The following ANAPC4 variants were observed in gnomAD, a reference collection of about 807,000 sequenced individuals.
ANAPC4 encodes the protein anaphase-promoting complex subunit 4.
In ANAPC4, 63 loss-of-function variants were observed where a neutral mutation model predicts 119.8. The observed-to-expected ratio is 0.53, with a 90% CI of 0.43 to 0.65. The LOEUF is 0.65. ANAPC4 is among the 30% of genes least tolerant of loss of function. ANAPC4 has a pLI of 0.00. For synonymous variants in ANAPC4, 283 were observed against 318.6 expected, an observed-to-expected ratio of 0.89 and a Z score of 1.19; for missense variants, 716 against 945.1, an observed-to-expected ratio of 0.76 and a Z score of 3.18.
intron 4 of ANAPC4, among the ~76,000 whole-genome samples, chr4:25,386,081 T>G (rs1443450000): frequency 6.6e-6 from 1 of 151,896 alleles, no homozygotes; most frequent in African/African-American, 2.4e-5. Context: ...GCCCAGCTAA[T>G]TTTGTATTTT....
chr4:25,387,782 C>T (rs774052793), intron 4 of ANAPC4, among the ~76,000 whole-genome samples: 13 of 151,820 alleles, frequency 8.6e-5, no homozygotes, highest in African/African-American at 2.9e-4. Flanking sequence ...ATGGTGTAGT[C>T]TCAAATACCT....
At position 25,416,489 on chromosome 4, in the gene ANAPC4, A is replaced by G. The variant is rs1401460027; in HGVS notation, c.1966A>G (p.Thr656Ala). 2 of 1,605,484 alleles carry G rather than the reference A, an allele frequency of 1.2e-6. No homozygotes were observed. The highest frequency in any genetic ancestry group is 3.3e-5 in the Admixed American group (2 of 59,796). The change falls in exon 27 of 29, where the codon ACT (threonine) becomes GCT (alanine). Residue 656 changes from threonine (T) to alanine (A), a missense_variant. Physicochemically the swap from Thr to Ala is moderately conservative, Grantham distance 58. Around this residue, in one of 3 missense-constraint regions of ANAPC4, gnomAD observed 504 missense variants for 615.8 expected, o/e 0.82. Transcript: ENST00000315368. ...DETVTVVLKDTVGREGRDRLL... is the reference protein window; with the variant it reads ...DETVTVVLKDAVGREGRDRLL... The stretch of plus-strand genomic sequence containing the variant: ...AACTGTAACAGTAGTTCTTAAAGAC[A>G]CTGTAGGACGTGAAGGAAGAGATAG...
chr4:25,396,786 G>A (rs1180235279), intron 15 of ANAPC4, 22 bp downstream of exon 15: 1 of 1,610,270 alleles, frequency 6.2e-7, no homozygotes, highest in Non-Finnish European at 8.5e-7. Context: ...ATTTCTCAGT[G>A]AAATACATTA....
intron 21 of ANAPC4, among the ~76,000 whole-genome samples, chr4:25,411,562 T>C (rs1577399189): frequency 6.6e-6 from 1 of 152,144 alleles, no homozygotes; most frequent in Admixed American, 6.5e-5. Flanking sequence ...TGGGTAAAAG[T>C]TGGTGCTCTG....
intron 13 of ANAPC4, 29 bp from the exon 14 acceptor site, chr4:25,394,800 T>A: frequency 6.2e-7 from 1 of 1,605,544 alleles, no homozygotes; most frequent in Non-Finnish European, 8.5e-7. Flanking sequence ...CCTGATTGTA[T>A]GCTAAATATA....
rs1348644896 is a variant in ANAPC4, at chr4:25,377,439, T to C, written c.12T>C (p.Phe4=). The change falls in exon 2 of 29, where the codon TTT becomes TTC. Residue 4 remains phenylalanine (F), a synonymous_variant. Coordinates refer to ENST00000315368, the MANE Select transcript of ANAPC4 (RefSeq NM_013367.3). MLR[F]PTCFPSFRVV... is the part of the protein sequence containing the mutation. ...GCAGGGCCGTCCCCATGTTGCGTTT[T>C]CCGACCTGTTTCCCATCCTTCCGGG... 1 of 1,613,996 alleles carries C rather than the reference T, an allele frequency of 6.2e-7. No individual in the cohort carries two copies. Among genetic ancestry groups the C allele is most frequent in the African/African-American group, 1.3e-5 (1 of 74,942 alleles).
At chr4:25,377,713 C>T (rs1721488565) in intron 2 of ANAPC4, among the ~76,000 whole-genome samples, 157 bp downstream of exon 2, 1 of 152,240 alleles carries the variant, frequency 6.6e-6, no homozygotes, top group African/African-American at 2.4e-5. Context: ...TCCCTGCCTC[C>T]CAGGACGGCA....
chr4:25,390,889 A>G (rs763701787), intron 8 of ANAPC4, 22 bp from the exon 9 acceptor site: 7 of 1,561,218 alleles, frequency 4.5e-6, no homozygotes, highest in Non-Finnish European at 6.2e-6. Flanking sequence ...TAAATATACT[A>G]AGGGGTTTGA....
chr4:25,381,306 C>A (rs533211497), intron 3 of ANAPC4, among the ~76,000 whole-genome samples: 3 of 151,996 alleles, frequency 2.0e-5, no homozygotes, highest in East Asian at 1.9e-4. Flanking sequence ...TTTTCCCCCC[C>A]AGACAGTGTC....
intron 22 of ANAPC4, 38 bp downstream of exon 22, chr4:25,413,780 A>C: frequency 6.8e-7 from 1 of 1,469,816 alleles, no homozygotes; most frequent in Non-Finnish European, 9.5e-7. Context: ...GTGTAGGAGC[A>C]ATAGTGTCTA....
At chr4:25,403,137 C>A in intron 17 of ANAPC4, 111 bp downstream of exon 17, 1 of 819,512 alleles carries the variant, frequency 1.2e-6, no homozygotes, top group Non-Finnish European at 1.9e-6. Flanking sequence ...TTTGAGAGAA[C>A]TATATAATGA....
intron 2 of ANAPC4, among the ~76,000 whole-genome samples, chr4:25,378,030 A>G (rs1480815299): frequency 6.6e-6 from 1 of 152,220 alleles, no homozygotes; most frequent in Non-Finnish European, 1.5e-5. Context: ...CACACAGGAT[A>G]TATTTAAGAA....
rs889462243 is a variant in ANAPC4 at position 25,418,208 on chromosome 4, A to G, written c.2253A>G (p.Glu751=). ...VRVFEMDIDD[E]WELDESSDEE... ...TATTTGAAATGGACATAGATGATGAATGGGAGCTCGATGAGTCTTCAGATG... is the reference window on the plus strand; with the variant it reads ...TATTTGAAATGGACATAGATGATGAGTGGGAGCTCGATGAGTCTTCAGATG... Residue 751 remains glutamate (E), a synonymous_variant, in exon 29 of 29, where the codon GAA becomes GAG. Transcript: ENST00000315368. 7 of 1,613,992 alleles carry G rather than the reference A, an allele frequency of 4.3e-6. 1 individual carries two copies. In the Admixed American group the frequency reaches 1.0e-4, roughly 23 times the overall value.
chr4:25,378,034 T>G (rs988475969), intron 2 of ANAPC4, among the ~76,000 whole-genome samples: 1 of 152,196 alleles, frequency 6.6e-6, no homozygotes, highest in African/African-American at 2.4e-5. Flanking sequence ...CAGGATATAT[T>G]TAAGAACCTG....
At chr4:25,413,840 T>C in intron 22 of ANAPC4, 98 bp downstream of exon 22, 1 of 942,104 alleles carries the variant, frequency 1.1e-6, no homozygotes, top group Admixed American at 2.6e-5. Context: ...GAATGAACTA[T>C]GAAAATGTTG....
At chr4:25,394,757 T>C in intron 13 of ANAPC4, 44 bp downstream of exon 13, 2 of 1,598,094 alleles carry the variant, frequency 1.3e-6, no homozygotes, top group Non-Finnish European at 1.7e-6. Flanking sequence ...ATGAACACAT[T>C]CTTAATTTTT....
chr4:25,393,862 A>G lies in ANAPC4; in HGVS notation c.847A>G (p.Met283Val), dbSNP rs1722490863. ...AGCATGGGAAGAAATACTAATGCAG[A>G]TGGATTCTCGTCTCACCAAGTTTGT... ...CEAWEEILMQMDSRLTKFVQE... is the reference protein window; with the variant it reads ...CEAWEEILMQVDSRLTKFVQE... Residue 283 changes from methionine to valine, a missense_variant, in exon 11 of 29, where the codon ATG (methionine) becomes GTG (valine). Met to Val is a conservative substitution (Grantham distance 21). Transcript: ENST00000315368. 6.2e-7 allele frequency: 1 copy of G among 1,611,434 alleles called. No homozygotes were observed. The highest frequency in any genetic ancestry group is 1.3e-5 in the African/African-American group (1 of 74,850).
chr4:25,388,858 T>G lies in ANAPC4; in HGVS notation c.491T>G (p.Ile164Ser). Residue 164 changes from isoleucine to serine, a missense_variant, in exon 7 of 29, where the codon ATT (isoleucine) becomes AGT (serine). This residue lies in a region of ANAPC4 where 202 missense variants were observed against 293.5 expected (regional missense o/e 0.69). Transcript: ENST00000315368. The part of the protein sequence containing the change: ...KIFSEENSDE[I>S]IKLLGDVRLN... ...TTTAGTGAAGAAAATTCTGATGAAA[T>G]TATTAAGCTCTTGGGAGACGTCAGG... The G allele has an allele frequency of 6.2e-7, 1 of 1,603,738 alleles. No individual in the cohort carries two copies. Among genetic ancestry groups the G allele is most frequent in the Non-Finnish European group, 8.5e-7 (1 of 1,173,684 alleles).
At chr4:25,406,789 C>T in intron 18 of ANAPC4, 40 bp from the exon 19 acceptor site, 1 of 1,468,096 alleles carries the variant, frequency 6.8e-7, no homozygotes, top group Non-Finnish European at 9.4e-7. Context: ...GAGCAGCTTT[C>T]TTTTATCTTG....
Sources: allele counts gnomAD v4.1 joint callset (sites outside exome capture counted in the v4.1 genomes callset), GRCh38; gene constraint gnomAD v4.1.1; regional missense constraint gnomAD v4.1.1; transcripts MANE v1.5; gene names NCBI Gene and HGNC (gene_info 2026-07-23, HGNC 2026-07-21).